CIC: variants seen among roughly 807,000 people sequenced by gnomAD.
CIC encodes protein capicua homolog.
Under a neutral mutation model 115.7 loss-of-function variants are expected in CIC, and 18 were observed. The observed-to-expected ratio is 0.16, with a 90% CI of 0.11 to 0.23. The LOEUF (loss-of-function observed/expected upper bound fraction) is 0.23, where lower values mean the gene tolerates loss of function less well. Ranked by LOEUF, CIC falls within the 10% of genes least tolerant of loss-of-function variation. The probability of loss-of-function intolerance (pLI) is 1.00; values close to 1 mark genes in which losing one functional copy is unlikely to be tolerated. For missense variants in CIC, 2,000 were observed against 2,159.3 expected, an observed-to-expected ratio of 0.93 and a Z score of 1.46; for synonymous variants, 1,076 against 923.0, an observed-to-expected ratio of 1.17 and a Z score of -3.01.
In CIC at chr19:42,273,715, T is replaced by C. The variant is rs2036865997; in HGVS notation, c.1932T>C (p.Phe644=). The C allele has an allele frequency of 7.5e-6, 3 of 398,686 alleles. No homozygotes were observed. The highest frequency in any genetic ancestry group is 1.3e-5 in the Non-Finnish European group (3 of 226,128). 24.7% of individuals were successfully genotyped at this position (398,686 alleles called of 1,614,324 possible). The change falls in exon 2 of 21, where the codon TTT becomes TTC. Residue 644 remains phenylalanine, a synonymous_variant. Transcript: ENST00000681038. ...SPLFGFRPAN[F]SPINASPVIQ... ...TCTTCGGCTTCCGCCCTGCCAACTTTAGCCCCATCAATGCCTCACCAGTCA... is the reference window on the plus strand; with the variant it reads ...TCTTCGGCTTCCGCCCTGCCAACTTCAGCCCCATCAATGCCTCACCAGTCA...
intron 2 of CIC, among the ~76,000 whole-genome samples, chr19:42,277,748 C>A (rs764695336): frequency 4.5e-4 from 69 of 152,210 alleles, no homozygotes; most frequent in Non-Finnish European, 8.8e-4. Flanking sequence ...AGAAGGGAGG[C>A]CCCTTGCTGG....
At position 42,273,131 on chromosome 19, in the gene CIC, G is replaced by A. The variant is rs1306229030; in HGVS notation, c.1348G>A (p.Gly450Ser). The change falls in exon 2 of 21, where the codon GGC (glycine) becomes AGC (serine). Residue 450 changes from glycine (G) to serine (S), a missense_variant. Coordinates refer to ENST00000681038, the MANE Select transcript of CIC (RefSeq NM_001386298.1). ...CTCGCCCTGCCAGGAGGGGAGCCAG[G>A]GCGGCAGCCGCAGCAGCAGCGTGGC... ...QPSPCQEGSQ[G>S]GSRSSSVASL... The A allele has an allele frequency of 2.0e-5, 8 of 398,560 alleles. No homozygotes were observed. In the East Asian group the frequency reaches 2.5e-4, roughly 12 times the overall value. The allele number at this position is 398,560 out of a possible 1,614,324, so 24.7% of individuals were successfully genotyped here.
chr19:42,277,064 T>C (rs1313897244), intron 2 of CIC, among the ~76,000 whole-genome samples: 1 of 152,182 alleles, frequency 6.6e-6, no homozygotes, highest in Non-Finnish European at 1.5e-5. Context: ...CGAGCAGCAC[T>C]GGTGATGCAC....
upstream of CIC, chr19:42,269,105 A>G (rs2036665079): frequency 6.6e-6 from 1 of 151,822 alleles, no homozygotes; most frequent in African/African-American, 2.4e-5. Context: ...GCGCTGCCCG[A>G]TGGGCCCAAT....
chr19:42,281,116 C>A (rs965411425), intron 2 of CIC, among the ~76,000 whole-genome samples: 44 of 136,630 alleles, frequency 3.2e-4, no homozygotes, highest in African/African-American at 1.1e-3. Context: ...CAACCCTGGC[C>A]GTCGCCGACG....
At position 42,294,167 on chromosome 19, in the gene CIC, G is replaced by C; in HGVS notation, c.6923-6G>C. The C allele has an allele frequency of 6.2e-7, 1 of 1,613,852 alleles. No homozygotes were observed. The highest frequency in any genetic ancestry group is 1.3e-5 in the African/African-American group (1 of 75,016). On this transcript the variant is annotated splice_region_variant and splice_polypyrimidine_tract_variant and intron_variant, in intron 18 of 20. Transcript: ENST00000681038. ...ACCTGCACTGAGTCTGCTTCTGTTT[G>C]GCCAGACCTGGATTCAGCACCCGAG... is the stretch of plus-strand genomic sequence containing the variant.
At chr19:42,283,871 T>G (rs1202537283) in intron 2 of CIC, 1 of 151,344 alleles carries the variant, frequency 6.6e-6, no homozygotes, top group East Asian at 2.0e-4. Flanking sequence ...CGCCCTGCCC[T>G]TATTTGCATA....
At chr19:42,284,855 G>C in intron 2 of CIC, 1 of 1,212,570 alleles carries the variant, frequency 8.2e-7, no homozygotes, top group Non-Finnish European at 1.2e-6. Context: ...GGGTATAGTA[G>C]GGGAGAGAAC....
In CIC at chr19:42,294,016, C is replaced by A. The variant is rs138327774; in HGVS notation, c.6849C>A (p.Pro2283=). 2.6e-4 allele frequency: 412 copies of A among 1,613,678 alleles called. 5 individuals carry two copies. The South Asian group carries it at 4.0e-3, about 15-fold the overall frequency. Residue 2283 remains proline, a synonymous_variant, in exon 18 of 21, where the codon CCC becomes CCA. Coordinates refer to ENST00000681038, the MANE Select transcript of CIC (RefSeq NM_001386298.1). ...EFRPEEVLPS[P]TLQSLATSPR... ...GGCCTGAGGAGGTGCTGCCCTCCCC[C>A]ACCCTGCAGTCTCTGGCCACCTCAC...
chr19:42,288,043 C>T (rs2147209756), intron 7 of CIC, 68 bp downstream of exon 7: 2 of 1,523,742 alleles, frequency 1.3e-6, no homozygotes, highest in South Asian at 2.4e-5. Context: ...TACCCCCTTG[C>T]TTGCTCCTCC....
intron 16 of CIC, 80 bp from the exon 17 acceptor site, chr19:42,293,512 A>G: frequency 6.2e-7 from 1 of 1,607,220 alleles, no homozygotes; most frequent in Non-Finnish European, 8.5e-7. Flanking sequence ...GGGCGGGCTC[A>G]GATCCAACTC....
rs753437137 is a variant in CIC at position 42,290,763 on chromosome 19, C to G, written c.4722C>G (p.Ser1574=). ...ATGGGGCCCCAGCAGCTCCCCTGTC[C>G]CGTCCTGCCGCCACCATGGTCACCA... The part of the protein sequence containing the change: ...LAYGAPAAPL[S]RPAATMVTNV... The change falls in exon 11 of 21, where the codon TCC becomes TCG. Residue 1574 remains serine, a synonymous_variant. Coordinates refer to ENST00000681038, the MANE Select transcript of CIC (RefSeq NM_001386298.1). The G allele has an allele frequency of 6.2e-7, 1 of 1,612,116 alleles. No individual in the cohort carries two copies. Among genetic ancestry groups the G allele is most frequent in the Non-Finnish European group, 8.5e-7 (1 of 1,179,564 alleles).
Position 42,271,903 on chromosome 19 carries a change from AGAG to A in CIC, c.129_131del (p.Glu43del), listed in dbSNP as rs1398849295. On this transcript the variant is annotated inframe_deletion, in exon 2 of 21. Transcript: ENST00000681038. ...GAGGGGCTGGGGAGGGTGACAAGCCAGAGGAGGAGGATGACGAGGCACAGCAGC... is the reference window on the plus strand; with the variant it reads ...GAGGGGCTGGGGAGGGTGACAAGCCAGAGGAGGATGACGAGGCACAGCAGC... 3 of 398,882 alleles carry A rather than the reference AGAG, an allele frequency of 7.5e-6. No homozygotes were observed. The highest frequency in any genetic ancestry group is 1.3e-5 in the Non-Finnish European group (3 of 226,350). 24.7% of individuals were successfully genotyped at this position (398,882 alleles called of 1,614,324 possible).
At chr19:42,294,431 T>C in intron 19 of CIC, 127 bp downstream of exon 19, 1 of 1,548,802 alleles carries the variant, frequency 6.5e-7, no homozygotes, top group Non-Finnish European at 8.8e-7. Context: ...AGCCTGTCAG[T>C]GGTGGGTTCT....
intron 2 of CIC, chr19:42,284,422 C>G (rs1401021653): frequency 6.9e-6 from 1 of 144,432 alleles, no homozygotes; most frequent in Non-Finnish European, 1.5e-5. Context: ...CCGCGCGCCC[C>G]GTGACGGCCC....
chr19:42,287,715 C>T lies in CIC; in HGVS notation c.3480C>T (p.Asp1160=), dbSNP rs2147201515. The T allele has an allele frequency of 1.9e-6, 3 of 1,614,222 alleles. No homozygotes were observed. Among genetic ancestry groups the T allele is most frequent in the Non-Finnish European group, 2.5e-6 (3 of 1,180,050 alleles). Residue 1160 remains aspartate, a synonymous_variant, in exon 6 of 21, where the codon GAC becomes GAT. Transcript: ENST00000681038. The surrounding 1 kb of genome is among the most constrained non-coding windows in gnomAD (Gnocchi z 8.7). ...LGPKEKQKYH[D]LAFQVKEAHF... is the part of the protein sequence containing the mutation. ...CCAAGGAGAAGCAGAAGTACCACGACCTGGCCTTCCAGGTAACGCTGTTGC... is the reference window on the plus strand; with the variant it reads ...CCAAGGAGAAGCAGAAGTACCACGATCTGGCCTTCCAGGTAACGCTGTTGC...
In CIC at chr19:42,287,624, G is replaced by A. The variant is rs2147197912; in HGVS notation, c.3389G>A (p.Arg1130His). Residue 1130 changes from arginine to histidine, a missense_variant, in exon 6 of 21, where the codon CGT (arginine) becomes CAT (histidine). Arg to His is a conservative substitution (Grantham distance 29). Around this residue, in one of 8 missense-constraint regions of CIC, gnomAD observed 22 missense variants for 93.8 expected, o/e 0.23. Transcript: ENST00000681038. The surrounding 1 kb of genome is among the most constrained non-coding windows in gnomAD (Gnocchi z 8.7). The stretch of plus-strand genomic sequence containing the variant: ...CGGCACCGGGCCCTGGTCCACCAGC[G>A]TCATCCCAACCAGGACAACCGGACC... Reference protein sequence around the residue: ...SKRHRALVHQRHPNQDNRTVS... With the variant: ...SKRHRALVHQHHPNQDNRTVS... The A allele has an allele frequency of 3.1e-6, 5 of 1,613,894 alleles. No homozygotes were observed. The highest frequency in any genetic ancestry group is 4.2e-6 in the Non-Finnish European group (5 of 1,180,046).
Position 42,273,678 on chromosome 19 carries a change from C to T in CIC, c.1895C>T (p.Ser632Leu). ...CCCTTCTCGCCAGCCCCATCACCCT[C>T]ACCCTCACCACTCTTCGGCTTCCGC... ...QSPFSPAPSP[S>L]PSPLFGFRPA... The change falls in exon 2 of 21, where the codon TCA becomes TTA. Residue 632 changes from serine to leucine, a missense_variant. Physicochemically the swap from Ser to Leu is moderately radical, Grantham distance 145. This residue lies in a region of CIC where 222 missense variants were observed against 247.7 expected (regional missense o/e 0.90). Transcript: ENST00000681038. 1 of 398,966 alleles carries T rather than the reference C, an allele frequency of 2.5e-6. No individual in the cohort carries two copies. The allele number at this position is 398,966 out of a possible 1,614,324, so 24.7% of individuals were successfully genotyped here.
Position 42,273,465 on chromosome 19 carries a change from G to A in CIC, c.1682G>A (p.Gly561Asp). 1 of 398,566 alleles carries A rather than the reference G, an allele frequency of 2.5e-6. No homozygotes were observed. 24.7% of individuals were successfully genotyped at this position (398,566 alleles called of 1,614,324 possible). Residue 561 changes from glycine (G) to aspartate (D), a missense_variant, in exon 2 of 21, where the codon GGT becomes GAT. This residue lies in a region of CIC where 222 missense variants were observed against 247.7 expected (regional missense o/e 0.90). Coordinates refer to ENST00000681038, the MANE Select transcript of CIC (RefSeq NM_001386298.1). ...AREGSTEFDW[G>D]DETSRDSEAS... ...GAGGGCAGCACGGAGTTTGACTGGGGTGATGAGACGTCGAGGGACAGTGAG... is the reference window on the plus strand; with the variant it reads ...GAGGGCAGCACGGAGTTTGACTGGGATGATGAGACGTCGAGGGACAGTGAG...
Sources: gnomAD v4.1 joint callset for allele counts (sites outside exome capture counted in the v4.1 genomes callset) on GRCh38, gnomAD v4.1.1 for gene constraint, gnomAD v4.1.1 regional missense constraint, Gnocchi (gnomAD v3.1) non-coding constraint, MANE v1.5 for transcripts, NCBI Gene and HGNC (gene_info 2026-07-23, HGNC 2026-07-21) for gene names.